ZNF484: variants seen among roughly 807,000 people sequenced by gnomAD.
ZNF484 encodes KRAB box containing C2H2 type zinc finger bA526D8.4.
ZNF484 carries 11 observed loss-of-function variants against 12.9 expected under a neutral mutation model. The observed-to-expected ratio is 0.85, with a 90% CI of 0.54 to 1.41. The LOEUF is 1.41. Among genes scored for constraint, ZNF484 ranks in the 40% most tolerant of loss-of-function variants. The pLI is 0.00. For synonymous variants in ZNF484, 289 were observed against 334.1 expected, an observed-to-expected ratio of 0.86 and a Z score of 1.47; for missense variants, 807 against 1,007.7, an observed-to-expected ratio of 0.80 and a Z score of 2.70.
At chr9:92,862,580 C>T (rs1856840335) in intron 2 of ZNF484, among the ~76,000 whole-genome samples, 1 of 151,488 alleles carries the variant, frequency 6.6e-6, no homozygotes, top group Admixed American at 6.6e-5. Context: ...ATTCAGGGAA[C>T]CACAAATTAG....
chr9:92,846,211 G>C lies in ZNF484; in HGVS notation c.*17C>G. On this transcript the variant is annotated 3_prime_UTR_variant, in exon 5 of 5. Transcript: ENST00000375495. ...AACTACACATCAGCTATATGATCCA[G>C]ATGTTCATAATTCTAACTAGATAGA... is the stretch of plus-strand genomic sequence containing the variant. The C allele has an allele frequency of 6.2e-7, 1 of 1,605,586 alleles. No homozygotes were observed. The highest frequency in any genetic ancestry group is 8.5e-7 in the Non-Finnish European group (1 of 1,176,024).
At chr9:92,857,160 C>T (rs878932894) in intron 2 of ZNF484, among the ~76,000 whole-genome samples, 7 of 152,282 alleles carry the variant, frequency 4.6e-5, no homozygotes, top group Middle Eastern at 6.8e-3. Flanking sequence ...AAATGCCAGA[C>T]GCAATACTTG....
chr9:92,860,399 G>A (rs1172210870), intron 2 of ZNF484, among the ~76,000 whole-genome samples: 15 of 151,920 alleles, frequency 9.9e-5, no homozygotes, highest in African/African-American at 3.4e-4. Flanking sequence ...TCAGGAGATC[G>A]AGACCATCCT....
In ZNF484 at chr9:92,847,453, C is replaced by T. The variant is rs1564097395; in HGVS notation, c.1334G>A (p.Cys445Tyr). The change falls in exon 5 of 5, where the codon TGT (cysteine) becomes TAT (tyrosine). Residue 445 changes from cysteine (C) to tyrosine (Y), a missense_variant. Transcript: ENST00000375495. ...TGATTTTTTAATAAAGGATTTCCCACAGTCACTGCATTCATAGGGTTTTTC... is the reference window on the plus strand; with the variant it reads ...TGATTTTTTAATAAAGGATTTCCCATAGTCACTGCATTCATAGGGTTTTTC... ...TGEKPYECSD[C>Y]GKSFIKKSQL... The T allele has an allele frequency of 6.2e-7, 1 of 1,613,066 alleles. No individual in the cohort carries two copies. Among genetic ancestry groups the T allele is most frequent in the Admixed American group, 1.7e-5 (1 of 59,812 alleles).
chr9:92,862,168 GAA>G, intron 2 of ZNF484: 1 of 918,456 alleles, frequency 1.1e-6, no homozygotes, highest in Non-Finnish European at 1.3e-6. Flanking sequence ...AAAGAAGTCT[GAA>G]AAAAAAAATA....
At chr9:92,876,038 A>G (rs1350781277) in intron 1 of ZNF484, among the ~76,000 whole-genome samples, 1 of 117,254 alleles carries the variant, frequency 8.5e-6, no homozygotes, top group Admixed American at 8.5e-5. Flanking sequence ...TATCTTTGAG[A>G]GAAACACTGG....
In ZNF484 at chr9:92,854,444, G is replaced by T. The variant is rs368291535; in HGVS notation, c.235+1367C>A. Among the ~76,000 whole-genome samples, 6 of 152,308 alleles carry T rather than the reference G, an allele frequency of 3.9e-5. No individual in the cohort carries two copies. The East Asian group carries it at 9.7e-4, about 25-fold the overall frequency. ...AAGAAATTCTCATTTCCGGCTGGGC[G>T]TGGTGGCTCCCGCCTATAATCTCAG... On this transcript the variant is annotated intron_variant, in intron 4 of 4. Coordinates refer to ENST00000375495, the MANE Select transcript of ZNF484 (RefSeq NM_031486.4).
Position 92,855,792 on chromosome 9 carries a change from C to T in ZNF484, c.235+19G>A. On this transcript the variant is annotated intron_variant, in intron 4 of 4. Coordinates refer to ENST00000375495, the MANE Select transcript of ZNF484 (RefSeq NM_031486.4). ...CAGCTGAGTCATACTGTCTACCATG[C>T]TCTTGGTTCCCTTCTCACCTGGACG... is the stretch of plus-strand genomic sequence containing the variant. The T allele has an allele frequency of 6.2e-7, 1 of 1,611,200 alleles. No homozygotes were observed. The highest frequency in any genetic ancestry group is 8.5e-7 in the Non-Finnish European group (1 of 1,177,744).
At chr9:92,864,634 C>A (rs1442038078) in intron 2 of ZNF484, among the ~76,000 whole-genome samples, 3 of 152,002 alleles carry the variant, frequency 2.0e-5, no homozygotes, top group Non-Finnish European at 4.4e-5. Flanking sequence ...AGCTTTTAAG[C>A]AAAAAATTCA....
rs1856446969 is a variant in ZNF484 at position 92,856,274 on chromosome 9, A to G, written c.60T>C (p.Asp20=). ...FKDVTVDFSR[D]EWQQLDLAQK... The stretch of plus-strand genomic sequence containing the variant: ...GAGCAAGGTCTAATTGTTGCCACTC[A>G]TCCCTACTGAAGTCTACAGTTACGT... The change falls in exon 3 of 5, where the codon GAT becomes GAC. Residue 20 remains aspartate (D), a synonymous_variant. Transcript: ENST00000375495. The G allele has an allele frequency of 1.2e-6, 2 of 1,613,516 alleles. No homozygotes were observed. The highest frequency in any genetic ancestry group is 3.3e-5 in the Admixed American group (2 of 59,930).
rs754449802 is a variant in ZNF484 at position 92,875,076 on chromosome 9, G to A, written c.-30-17C>T. 1 of 1,613,184 alleles carries A rather than the reference G, an allele frequency of 6.2e-7. No homozygotes were observed. Reference sequence around the variant, plus strand: ...GGCAGAAATCTGAGAAAACAGATGGGTAGAGGTACCCATGAGAGAAGGAAC... The same window carrying A: ...GGCAGAAATCTGAGAAAACAGATGGATAGAGGTACCCATGAGAGAAGGAAC... On this transcript the variant is annotated splice_polypyrimidine_tract_variant and intron_variant, in intron 1 of 4. Coordinates refer to ENST00000375495, the MANE Select transcript of ZNF484 (RefSeq NM_031486.4).
chr9:92,848,423 C>T lies in ZNF484; in HGVS notation c.364G>A (p.Asp122Asn), dbSNP rs763491636. Residue 122 changes from aspartate to asparagine, a missense_variant, in exon 5 of 5, where the codon GAT becomes AAT. Physicochemically the swap from Asp to Asn is conservative, Grantham distance 23 (BLOSUM62 1). Coordinates refer to ENST00000375495, the MANE Select transcript of ZNF484 (RefSeq NM_031486.4). The surrounding 1 kb of genome is among the most constrained non-coding windows in gnomAD (Gnocchi z 4.1). The part of the protein sequence containing the change: ...YSILEELWKD[D>N]EHTRKCGENQ... ...TCTCCACATTTTCTTGTGTGTTCATCGTCTTTCCACAATTCTTCTAAAATG... is the reference window on the plus strand; with the variant it reads ...TCTCCACATTTTCTTGTGTGTTCATTGTCTTTCCACAATTCTTCTAAAATG... 1.4e-5 allele frequency: 22 copies of T among 1,613,998 alleles called. No homozygotes were observed. In the East Asian group the frequency reaches 2.7e-4, roughly 20 times the overall value.
chr9:92,874,743 A>C (rs1161518448), intron 2 of ZNF484, among the ~76,000 whole-genome samples: 1 of 152,184 alleles, frequency 6.6e-6, no homozygotes, highest in Non-Finnish European at 1.5e-5. Flanking sequence ...TTACTTGTTA[A>C]TTTTATTAAT....
At chr9:92,869,262 T>C (rs1221736006) in intron 2 of ZNF484, among the ~76,000 whole-genome samples, 1 of 152,170 alleles carries the variant, frequency 6.6e-6, no homozygotes, top group East Asian at 1.9e-4. Flanking sequence ...GTATAATATA[T>C]ATTGTACATG....
intron 2 of ZNF484, among the ~76,000 whole-genome samples, chr9:92,868,371 T>C (rs1270409196): frequency 6.6e-6 from 1 of 152,138 alleles, no homozygotes; most frequent in East Asian, 1.9e-4. Context: ...ACGGCCTGGG[T>C]CTTATTTTCC....
chr9:92,868,973 A>G (rs1857270878), intron 2 of ZNF484, among the ~76,000 whole-genome samples: 1 of 152,050 alleles, frequency 6.6e-6, no homozygotes, highest in Non-Finnish European at 1.5e-5. Context: ...TGATCCTCCT[A>G]CCTTGGCTTC....
intron 2 of ZNF484, among the ~76,000 whole-genome samples, chr9:92,868,575 A>G: frequency 6.6e-6 from 1 of 152,244 alleles, no homozygotes; most frequent in Non-Finnish European, 1.5e-5. Context: ...AGGCTGTACA[A>G]GAAGCATGGC....
chr9:92,866,462 A>G (rs1857079289), intron 2 of ZNF484, among the ~76,000 whole-genome samples: 1 of 152,220 alleles, frequency 6.6e-6, no homozygotes, highest in Admixed American at 6.5e-5. Flanking sequence ...TGCCAGTCAG[A>G]ATGGCTATTA....
chr9:92,853,634 A>G (rs1342455572), intron 4 of ZNF484, among the ~76,000 whole-genome samples: 4 of 152,370 alleles, frequency 2.6e-5, no homozygotes, highest in South Asian at 4.1e-4. Context: ...GGAGGGCCCA[A>G]AGCCCTTACA....
Sources: gnomAD v4.1 joint callset for allele counts (sites outside exome capture counted in the v4.1 genomes callset) on GRCh38, gnomAD v4.1.1 for gene constraint, Gnocchi (gnomAD v3.1) non-coding constraint, MANE v1.5 for transcripts, NCBI Gene and HGNC (gene_info 2026-07-23, HGNC 2026-07-21) for gene names.